Variants in NAA11 observed in about 807,000 individuals in gnomAD.
The protein encoded by NAA11 is N-alpha-acetyltransferase 11, NatA catalytic subunit, also known as N-alpha-acetyltransferase 11.
In NAA11, 15 loss-of-function variants were observed where a neutral mutation model predicts 16.1. The ratio of observed to expected loss-of-function variants is 0.93; its 90% confidence interval spans 0.62 to 1.44. The LOEUF (loss-of-function observed/expected upper bound fraction) is 1.44. NAA11 is among the 40% of genes most tolerant of loss of function. The pLI, the probability that NAA11 is intolerant of heterozygous loss-of-function variation, is 0.00. For missense variants in NAA11, 298 were observed against 291.3 expected, an observed-to-expected ratio of 1.02 and a Z score of -0.17; for synonymous variants, 122 against 112.4, an observed-to-expected ratio of 1.09 and a Z score of -0.54.
chr4:79,228,831 G>A (rs948443795), intron 2 of NAA11, among the ~76,000 whole-genome samples: 4 of 151,964 alleles, frequency 2.6e-5, no homozygotes, highest in Non-Finnish European at 5.9e-5. Flanking sequence ...ATACTTACTA[G>A]TAGAATTACT....
chr4:79,200,385 A>G, the NAA11 span, among the ~76,000 whole-genome samples: 1 of 151,798 alleles, frequency 6.6e-6, no homozygotes, highest in African/African-American at 2.4e-5. Context: ...TTGTTCTGGG[A>G]AAGAGGGAAG....
chr4:79,205,796 G>A, the NAA11 span, among the ~76,000 whole-genome samples: 1 of 151,904 alleles, frequency 6.6e-6, no homozygotes. Context: ...TATAAGGTGA[G>A]AGATAGGAAT....
At chr4:79,246,921 G>C (rs1409041521) in intron 2 of NAA11, among the ~76,000 whole-genome samples, 2 of 152,206 alleles carry the variant, frequency 1.3e-5, no homozygotes, top group African/African-American at 4.8e-5. Flanking sequence ...GGAGCTAGTG[G>C]CTCTTTGGGC....
At chr4:79,206,950 T>A in the NAA11 span, among the ~76,000 whole-genome samples, 2 of 152,158 alleles carry the variant, frequency 1.3e-5, no homozygotes, top group Middle Eastern at 3.4e-3. Flanking sequence ...GGTATTTTGG[T>A]TTTTTTGTAG....
At chr4:79,222,060 A>T (rs372059053), downstream of NAA11, among the ~76,000 whole-genome samples, 51 of 150,142 alleles carry the variant, frequency 3.4e-4, no homozygotes, top group South Asian at 5.2e-3. Flanking sequence ...AGCTCCTGTT[A>T]TTGGTCTATT....
intron 1 of NAA11, among the ~76,000 whole-genome samples, chr4:79,324,783 C>T (rs567174387): frequency 2.8e-4 from 42 of 152,244 alleles, no homozygotes; most frequent in African/African-American, 9.4e-4. Flanking sequence ...ATTGATGACT[C>T]TTGGCTGGGT....
At chr4:79,193,750 C>A in the NAA11 span, among the ~76,000 whole-genome samples, 1 of 152,024 alleles carries the variant, frequency 6.6e-6, no homozygotes, top group Non-Finnish European at 1.5e-5. Context: ...TAGTTTTTTC[C>A]AATTCTGTGA....
At position 79,322,282 on chromosome 4, in the gene NAA11, C is replaced by G. The variant is rs185960507; in HGVS notation, c.*12+2894G>C. Among the ~76,000 whole-genome samples the G allele has an allele frequency of 2.2e-3, 341 of 152,272 alleles. 1 individual carries two copies. The highest frequency in any genetic ancestry group is 7.6e-3 in the Admixed American group (116 of 15,292). On this transcript the variant is annotated intron_variant, in intron 1 of 1. Coordinates refer to ENST00000286794, the MANE Select transcript of NAA11 (RefSeq NM_032693.3). ...AGACGGTGAAGCTCAGTCTAGGAAA[C>G]ATTTCCTTCAACTTAGAAATAAAGT...
chr4:79,236,066 C>CT lies in NAA11; in HGVS notation c.*123-9797dup, dbSNP rs1298824050. The stretch of plus-strand genomic sequence containing the variant: ...CAAAGAAGCTACCTCCAGTACTTAG[C>CT]TTCTTGTTAAAAAATTATTATAGGT... On this transcript the variant is annotated intron_variant and NMD_transcript_variant, in intron 2 of 2. Coordinates refer to the NAA11 transcript ENST00000511542. Among the ~76,000 whole-genome samples the CT allele has an allele frequency of 5.3e-5, 8 of 152,134 alleles. No homozygotes were observed. The South Asian group carries it at 1.7e-3, about 32-fold the overall frequency.
intron 2 of NAA11, among the ~76,000 whole-genome samples, chr4:79,266,818 A>G (rs1722355113): frequency 6.6e-6 from 1 of 152,186 alleles, no homozygotes; most frequent in East Asian, 1.9e-4. Flanking sequence ...TTGGGAGTAG[A>G]AAGCAGAGAC....
At chr4:79,179,745 G>C in the NAA11 span, among the ~76,000 whole-genome samples, 1 of 152,148 alleles carries the variant, frequency 6.6e-6, no homozygotes, top group Admixed American at 6.5e-5. Flanking sequence ...TATTTCCCAA[G>C]AAAGATCATG....
chr4:79,204,926 T>TACACACACAC, the NAA11 span, among the ~76,000 whole-genome samples: 491 of 39,644 alleles, frequency 0.012, 1 homozygote, highest in Middle Eastern at 0.041. Flanking sequence ...CCATGGTGTG[T>TACACACACAC]ATACACACAC....
At chr4:79,309,756 C>T (rs1281959794) in intron 1 of NAA11, among the ~76,000 whole-genome samples, 1 of 132,588 alleles carries the variant, frequency 7.5e-6, no homozygotes, top group Non-Finnish European at 1.5e-5. Context: ...CGCTCTGTCG[C>T]CCAGGCTGGA....
At chr4:79,238,527 G>T (rs1009536965) in intron 2 of NAA11, among the ~76,000 whole-genome samples, 7 of 152,086 alleles carry the variant, frequency 4.6e-5, no homozygotes, top group African/African-American at 7.2e-5. Flanking sequence ...AAATTGCCTA[G>T]AATATGTATG....
chr4:79,234,213 A>T (rs980819552), intron 2 of NAA11, among the ~76,000 whole-genome samples: 4 of 152,152 alleles, frequency 2.6e-5, no homozygotes, highest in African/African-American at 4.8e-5. Flanking sequence ...TTTGCTGTAG[A>T]AAATTGGGGC....
At chr4:79,162,003 A>T in the NAA11 span, among the ~76,000 whole-genome samples, 2 of 152,084 alleles carry the variant, frequency 1.3e-5, no homozygotes, top group Admixed American at 6.5e-5. Flanking sequence ...CTTTAATTTC[A>T]TTCCACAGTA....
At chr4:79,268,379 G>T (rs1398661654) in intron 2 of NAA11, among the ~76,000 whole-genome samples, 1 of 152,104 alleles carries the variant, frequency 6.6e-6, no homozygotes, top group East Asian at 1.9e-4. Flanking sequence ...GAAAGATTGA[G>T]GGTAAAGTTA....
chr4:79,199,391 G>T, the NAA11 span, among the ~76,000 whole-genome samples: 6 of 151,918 alleles, frequency 3.9e-5, no homozygotes, highest in Admixed American at 6.6e-5. Flanking sequence ...GTAAACACTT[G>T]TATGCAGTTG....
At chr4:79,239,221 A>G (rs1244107411) in intron 2 of NAA11, among the ~76,000 whole-genome samples, 1 of 152,202 alleles carries the variant, frequency 6.6e-6, no homozygotes, top group Non-Finnish European at 1.5e-5. Context: ...ATAGAATTCA[A>G]TTTGCATGAA....
Sources: allele counts gnomAD v4.1 joint callset (sites outside exome capture counted in the v4.1 genomes callset), GRCh38; gene constraint gnomAD v4.1.1; transcripts MANE v1.5; gene names NCBI Gene and HGNC (gene_info 2026-07-23, HGNC 2026-07-21).